Variants in SLC39A11 observed in about 807,000 individuals in gnomAD.
SLC39A11 encodes solute carrier family 39 member 11.
In SLC39A11, 33 loss-of-function variants were observed where a neutral mutation model predicts 36.1. The ratio of observed to expected loss-of-function variants is 0.91; its 90% CI spans 0.69 to 1.22. The LOEUF (loss-of-function observed/expected upper bound fraction) is 1.22, where lower values mean the gene tolerates loss of function less well. SLC39A11 is among the 50% of genes most tolerant of loss of function. SLC39A11 has a pLI of 0.00. For missense variants in SLC39A11, 432 were observed against 430.3 expected, an observed-to-expected ratio of 1.00 and a Z score of -0.03; for synonymous variants, 166 against 170.3, an observed-to-expected ratio of 0.97 and a Z score of 0.20.
At chr17:72,719,453 T>C (rs1490246284) in intron 7 of SLC39A11, among the ~76,000 whole-genome samples, 1 of 152,160 alleles carries the variant, frequency 6.6e-6, no homozygotes, top group Non-Finnish European at 1.5e-5. Flanking sequence ...CCAAGCAGAA[T>C]GTTTTAAAAT....
intron 6 of SLC39A11, among the ~76,000 whole-genome samples, chr17:72,766,586 TTCTC>T (rs2075769178): frequency 6.6e-6 from 1 of 152,190 alleles, no homozygotes; most frequent in South Asian, 2.1e-4. Flanking sequence ...TAGTGGCTCT[TTCTC>T]TCTCCTTTCT....
chr17:72,793,756 C>T (rs1437028107), intron 6 of SLC39A11, among the ~76,000 whole-genome samples: 2 of 152,076 alleles, frequency 1.3e-5, no homozygotes, highest in African/African-American at 2.4e-5. Flanking sequence ...ATGTGCACAT[C>T]GTTCTATCTG....
chr17:72,798,164 T>A (rs1458029910), intron 6 of SLC39A11, among the ~76,000 whole-genome samples: 2 of 151,976 alleles, frequency 1.3e-5, no homozygotes, highest in African/African-American at 4.8e-5. Context: ...GTGTGTTGAG[T>A]GTGAAATGCC....
intron 7 of SLC39A11, among the ~76,000 whole-genome samples, chr17:72,701,322 G>A (rs1255033528): frequency 6.6e-6 from 1 of 152,182 alleles, no homozygotes; most frequent in African/African-American, 2.4e-5. Context: ...CACTGAGGAG[G>A]GCACACAAGG....
At chr17:72,837,850 A>C in intron 6 of SLC39A11, 1 of 888,464 alleles carries the variant, frequency 1.1e-6, no homozygotes, top group Non-Finnish European at 1.5e-6. Flanking sequence ...GGGAAACTGT[A>C]GAGACAAAGT....
intron 3 of SLC39A11, among the ~76,000 whole-genome samples, chr17:73,068,509 C>A (rs2060065890): frequency 1.3e-5 from 2 of 152,104 alleles, no homozygotes. Flanking sequence ...CAAGACAGAC[C>A]TGATGTAAGT....
intron 4 of SLC39A11, among the ~76,000 whole-genome samples, chr17:73,026,517 C>CAAAAAAA (rs548390962): frequency 4.0e-5 from 3 of 75,546 alleles, no homozygotes; most frequent in African/African-American, 4.0e-5. Flanking sequence ...GAAACTACAT[C>CAAAAAAA]AAAAAAAAAA....
intron 7 of SLC39A11, among the ~76,000 whole-genome samples, chr17:72,658,482 G>T (rs2070249641): frequency 6.6e-6 from 1 of 152,172 alleles, no homozygotes; most frequent in Non-Finnish European, 1.5e-5. Flanking sequence ...TTTCTTAGAG[G>T]CCTGACCCTG....
chr17:72,693,328 G>A (rs534610601), intron 7 of SLC39A11, among the ~76,000 whole-genome samples: 31 of 149,700 alleles, frequency 2.1e-4, no homozygotes, highest in Admixed American at 1.7e-3. Context: ...GCAAGCTCAC[G>A]GTCTGGGAAA....
At chr17:72,835,530 G>A (rs944976784) in intron 6 of SLC39A11, among the ~76,000 whole-genome samples, 10 of 152,110 alleles carry the variant, frequency 6.6e-5, no homozygotes, top group Non-Finnish European at 1.2e-4. Flanking sequence ...GCACAAGCAC[G>A]GCTCACTGCA....
At chr17:72,826,678 G>A (rs11868697) in intron 6 of SLC39A11, among the ~76,000 whole-genome samples, 402 of 152,226 alleles carry the variant, frequency 2.6e-3, no homozygotes, top group Middle Eastern at 6.8e-3. Flanking sequence ...CATGGCGATC[G>A]TAACCCCCAA....
chr17:72,773,473 CCTTA>C (rs1364322839), intron 6 of SLC39A11, among the ~76,000 whole-genome samples: 5 of 152,144 alleles, frequency 3.3e-5, no homozygotes, highest in African/African-American at 7.2e-5. Flanking sequence ...TCATTCTTCT[CCTTA>C]CTGTCACCCT....
chr17:72,721,087 CTTTTTT>C (rs56090007), intron 7 of SLC39A11, among the ~76,000 whole-genome samples: 4 of 126,534 alleles, frequency 3.2e-5, no homozygotes, highest in African/African-American at 1.2e-4. Flanking sequence ...TGTCCCTCGC[CTTTTTT>C]TTTTTTTTTT....
chr17:72,709,402 CTCTT>C (rs1374504599), intron 7 of SLC39A11, among the ~76,000 whole-genome samples: 1 of 152,182 alleles, frequency 6.6e-6, no homozygotes, highest in Non-Finnish European at 1.5e-5. Context: ...CTGGCTTGAG[CTCTT>C]TCTTGATAGG....
At position 72,646,967 on chromosome 17, in the gene SLC39A11, AG is replaced by A. The variant is rs1445182512; in HGVS notation, c.*616del. 6.7e-6 allele frequency: 1 copy of A among 149,852 alleles called. No homozygotes were observed. The highest frequency in any genetic ancestry group is 2.5e-5 in the African/African-American group (1 of 40,700). 9.3% of individuals were successfully genotyped at this position (149,852 alleles called of 1,614,324 possible). Reference sequence around the variant, plus strand: ...TGCCTTTAAAAAAAAAAAAAAAAAAAGCCAGACTAGCCAATTTCCTTCCCTT... The same window carrying A: ...TGCCTTTAAAAAAAAAAAAAAAAAAACCAGACTAGCCAATTTCCTTCCCTT... On this transcript the variant is annotated 3_prime_UTR_variant, in exon 10 of 10. Coordinates refer to ENST00000255559, the MANE Select transcript of SLC39A11 (RefSeq NM_139177.4).
At chr17:72,697,691 C>CA (rs1160407168) in intron 7 of SLC39A11, among the ~76,000 whole-genome samples, 9 of 152,292 alleles carry the variant, frequency 5.9e-5, no homozygotes, top group Non-Finnish European at 1.0e-4. Context: ...TATCCCCTGG[C>CA]AGGGACCATG....
At chr17:72,781,531 C>A (rs1490350401) in intron 6 of SLC39A11, among the ~76,000 whole-genome samples, 1 of 151,968 alleles carries the variant, frequency 6.6e-6, no homozygotes, top group Non-Finnish European at 1.5e-5. Context: ...TCACACCATT[C>A]TCCTGCCTCA....
chr17:72,825,261 T>G (rs1380149927), intron 6 of SLC39A11, among the ~76,000 whole-genome samples: 1 of 152,168 alleles, frequency 6.6e-6, no homozygotes, highest in Non-Finnish European at 1.5e-5. Flanking sequence ...CAGATACATC[T>G]CAGGCCACTG....
At chr17:72,872,240 G>C (rs2080672069) in intron 5 of SLC39A11, among the ~76,000 whole-genome samples, 1 of 152,108 alleles carries the variant, frequency 6.6e-6, no homozygotes, top group Non-Finnish European at 1.5e-5. Flanking sequence ...AGACCCTCTG[G>C]GGTGTGTCCC....
Sources: gnomAD v4.1 joint callset for allele counts (sites outside exome capture counted in the v4.1 genomes callset) on GRCh38, gnomAD v4.1.1 for gene constraint, MANE v1.5 for transcripts, NCBI Gene and HGNC (gene_info 2026-07-23, HGNC 2026-07-21) for gene names.